The following SPOCK1 variants were observed in gnomAD, a reference collection of about 807,000 sequenced individuals.
SPOCK1 encodes the protein SPARC (osteonectin), cwcv and kazal like domains proteoglycan 1.
SPOCK1 carries 23 observed loss-of-function variants against 55.3 expected under a neutral mutation model. The ratio of observed to expected loss-of-function variants is 0.42; its 90% CI spans 0.30 to 0.59. The LOEUF (loss-of-function observed/expected upper bound fraction) is 0.59. SPOCK1 is among the 20% of genes least tolerant of loss of function. SPOCK1 has a pLI of 0.22. For missense variants in SPOCK1, 499 were observed against 552.5 expected (o/e 0.90, Z 0.97); for synonymous variants, 226 against 221.0 (o/e 1.02, Z -0.20).
chr5:137,173,988 C>T (rs1754805045), intron 3 of SPOCK1, among the ~76,000 whole-genome samples: 1 of 152,200 alleles, frequency 6.6e-6, no homozygotes, highest in South Asian at 2.1e-4. Context: ...CTAGCGCTAA[C>T]TTATGCAACT....
intron 3 of SPOCK1, among the ~76,000 whole-genome samples, chr5:137,264,477 C>G (rs890020851): frequency 1.3e-5 from 2 of 152,050 alleles, no homozygotes; most frequent in Non-Finnish European, 2.9e-5. Flanking sequence ...TATTCCAAGC[C>G]TACTCCACAC....
intron 3 of SPOCK1, among the ~76,000 whole-genome samples, chr5:137,185,627 T>G (rs1427865293): frequency 2.0e-5 from 3 of 151,986 alleles, no homozygotes; most frequent in African/African-American, 7.2e-5. Context: ...AATAAAGAAA[T>G]AAATAAAATC....
intron 4 of SPOCK1, among the ~76,000 whole-genome samples, chr5:137,132,206 CT>C (rs1376021931): frequency 2.8e-5 from 4 of 142,144 alleles, no homozygotes; most frequent in Non-Finnish European, 6.1e-5. Context: ...ATCTCCAGAA[CT>C]TGCTAGGAAT....
At chr5:137,032,675 A>T (rs2126986429) in intron 6 of SPOCK1, among the ~76,000 whole-genome samples, 1 of 152,272 alleles carries the variant, frequency 6.6e-6, no homozygotes, top group Non-Finnish European at 1.5e-5. Flanking sequence ...GGAAGGAAGG[A>T]GGTGGTCAAC....
At position 137,026,073 on chromosome 5, in the gene SPOCK1, C is replaced by T. The variant is rs368944255; in HGVS notation, c.590-33473G>A. Among the ~76,000 whole-genome samples the T allele has an allele frequency of 2.4e-4, 36 of 152,296 alleles. No individual in the cohort carries two copies. The South Asian group carries it at 6.4e-3, about 27-fold the overall frequency. ...TACAGAGAAACATGCCTGCAAGAGG[C>T]GAGATTCTATATACCTGAGGTCATC... On this transcript the variant is annotated intron_variant, in intron 6 of 10. Coordinates refer to ENST00000394945, the MANE Select transcript of SPOCK1 (RefSeq NM_004598.4).
chr5:137,331,427 T>C (rs1299824946), intron 2 of SPOCK1, among the ~76,000 whole-genome samples: 1 of 152,160 alleles, frequency 6.6e-6, no homozygotes, highest in Non-Finnish European at 1.5e-5. Flanking sequence ...AGAGAGAAGA[T>C]GACTCCAAAA....
At chr5:137,182,275 C>T (rs867231405) in intron 3 of SPOCK1, among the ~76,000 whole-genome samples, 49 of 152,120 alleles carry the variant, frequency 3.2e-4, no homozygotes, top group African/African-American at 1.2e-3. Context: ...AGTAGCTTCC[C>T]TCATCTACCT....
chr5:137,315,413 A>G (rs1427565517), intron 2 of SPOCK1, among the ~76,000 whole-genome samples: 1 of 152,202 alleles, frequency 6.6e-6, no homozygotes, highest in Non-Finnish European at 1.5e-5. Flanking sequence ...TTGATGAATA[A>G]CTTAGCAGCC....
chr5:137,268,966 G>A (rs994990536), intron 2 of SPOCK1, among the ~76,000 whole-genome samples: 4 of 129,238 alleles, frequency 3.1e-5, no homozygotes, highest in African/African-American at 1.2e-4. Flanking sequence ...TCAAAGAAAG[G>A]TTTGAGCAAG....
chr5:137,257,028 G>T (rs1048980181), intron 3 of SPOCK1, among the ~76,000 whole-genome samples: 1 of 152,162 alleles, frequency 6.6e-6, no homozygotes, highest in African/African-American at 2.4e-5. Flanking sequence ...GTCAGCTAGA[G>T]TTGGGTCAGG....
rs116839047 is a variant in SPOCK1, at chr5:137,091,102, A to T, written c.474+21333T>A. ...AGACACGAGCATAGGAGAGTTGGCT[A>T]AAGAGGGTGCAAAGATGTGTGTCAC... On this transcript the variant is annotated intron_variant, in intron 5 of 10. Coordinates refer to ENST00000394945, the MANE Select transcript of SPOCK1 (RefSeq NM_004598.4). 2.1e-3 allele frequency among the ~76,000 whole-genome samples: 322 copies of T among 152,294 alleles called. 1 individual carries two copies. The highest frequency in any genetic ancestry group is 7.5e-3 in the African/African-American group (310 of 41,562).
chr5:137,327,418 T>C (rs1053972414), intron 2 of SPOCK1, among the ~76,000 whole-genome samples: 9 of 152,116 alleles, frequency 5.9e-5, no homozygotes, highest in African/African-American at 1.9e-4. Context: ...AATAAGAAAA[T>C]AGATTCTAGA....
rs576436460 is a variant in SPOCK1 at position 137,211,870 on chromosome 5, G to A, written c.232+55140C>T. On this transcript the variant is annotated intron_variant, in intron 3 of 10. Transcript: ENST00000394945. ...CACCCCAAGAGGACATGGAAGCCCC[G>A]CCCCCTGCCACACACCTTGTCCTAT... Among the ~76,000 whole-genome samples, 12 of 152,154 alleles carry A rather than the reference G, an allele frequency of 7.9e-5. No homozygotes were observed. The East Asian group carries it at 1.7e-3, about 22-fold the overall frequency.
chr5:137,143,199 GATTTTCACTTGA>G (rs1754131692), intron 3 of SPOCK1, among the ~76,000 whole-genome samples: 1 of 113,078 alleles, frequency 8.8e-6, no homozygotes, highest in East Asian at 3.2e-4. Context: ...GAGAACTTGA[GATTTTCACTTGA>G]GTGGATGTCA....
chr5:137,195,446 CTT>C (rs2127072795), intron 3 of SPOCK1, among the ~76,000 whole-genome samples: 1 of 152,320 alleles, frequency 6.6e-6, no homozygotes, highest in Non-Finnish European at 1.5e-5. Context: ...TTGAAGATAT[CTT>C]AACAAAGCAT....
intron 2 of SPOCK1, among the ~76,000 whole-genome samples, chr5:137,275,559 G>A (rs780114071): frequency 6.6e-6 from 1 of 152,130 alleles, no homozygotes; most frequent in African/African-American, 2.4e-5. Context: ...AGCTCTCCAG[G>A]TGATTCTAAT....
At chr5:137,369,202 A>G (rs772839426) in intron 2 of SPOCK1, among the ~76,000 whole-genome samples, 2 of 152,234 alleles carry the variant, frequency 1.3e-5, no homozygotes, top group Non-Finnish European at 2.9e-5. Context: ...TCTGGACAGC[A>G]GAGGAAACTT....
rs564705759 is a variant in SPOCK1, at chr5:137,134,399, C to A, written c.347+6181G>T. On this transcript the variant is annotated intron_variant, in intron 4 of 10. Coordinates refer to ENST00000394945, the MANE Select transcript of SPOCK1 (RefSeq NM_004598.4). Reference sequence around the variant, plus strand: ...AAGATGACTACTCTGAAGAGGGAAACCCAAAACTCCATGCATTAATTCCAC... The same window carrying A: ...AAGATGACTACTCTGAAGAGGGAAAACCAAAACTCCATGCATTAATTCCAC... Among the ~76,000 whole-genome samples the A allele has an allele frequency of 5.3e-5, 8 of 152,236 alleles. No homozygotes were observed. The South Asian group carries it at 1.5e-3, about 28-fold the overall frequency.
chr5:137,299,236 T>C (rs760453424), intron 2 of SPOCK1, among the ~76,000 whole-genome samples: 27 of 152,108 alleles, frequency 1.8e-4, no homozygotes, highest in Non-Finnish European at 3.4e-4. Flanking sequence ...GGAAACACAA[T>C]CATTCTATTT....
Sources: gnomAD v4.1 joint callset for allele counts (sites outside exome capture counted in the v4.1 genomes callset) on GRCh38, gnomAD v4.1.1 for gene constraint, MANE v1.5 for transcripts, NCBI Gene and HGNC (gene_info 2026-07-23, HGNC 2026-07-21) for gene names.